CLK3: variants seen among roughly 807,000 people sequenced by gnomAD.
CLK3 encodes CDC like kinase 3, also known as dual specificity protein kinase CLK3.
A neutral mutation model predicts 65.2 loss-of-function variants in CLK3; 24 were observed. That is an observed-to-expected ratio of 0.37 (90% CI 0.27 to 0.52). The LOEUF (loss-of-function observed/expected upper bound fraction) is 0.52, where lower values mean the gene tolerates loss of function less well. Among genes scored for constraint, CLK3 ranks in the 20% least tolerant of loss-of-function variants. The pLI is 0.92. For synonymous variants in CLK3, 252 were observed against 240.8 expected, an observed-to-expected ratio of 1.05 and a Z score of -0.43; for missense variants, 506 against 660.0, an observed-to-expected ratio of 0.77 and a Z score of 2.56.
rs765484885 is a variant in CLK3, at chr15:74,627,565, C to T, written c.939C>T (p.Asn313=). ...GCTGTGAGGAGAAGTCAGTGAAGAA[C>T]ACCAGCATCCGAGTGGCTGACTTTG... The part of the protein sequence containing the change: ...HKSCEEKSVK[N]TSIRVADFGS... Residue 313 remains asparagine (N), a synonymous_variant, in exon 9 of 13, where the codon AAC becomes AAT. Coordinates refer to ENST00000395066, the MANE Select transcript of CLK3 (RefSeq NM_001130028.2). This position sits in a 1 kb window ranked among gnomAD's most constrained non-coding sequence, Gnocchi z 4.3. The T allele has an allele frequency of 5.7e-5, 92 of 1,614,110 alleles. No individual in the cohort carries two copies. Among genetic ancestry groups the T allele is most frequent in the Non-Finnish European group, 6.6e-5 (78 of 1,180,050 alleles).
upstream of CLK3, chr15:74,613,526 G>A (rs1369643648): frequency 6.6e-6 from 1 of 152,386 alleles, no homozygotes; most frequent in African/African-American, 2.4e-5. Context: ...AAAGTGTGGA[G>A]AGGGAGACAG....
At chr15:74,615,189 CCG>C, upstream of CLK3, 1 of 383,822 alleles carries the variant, frequency 2.6e-6, no homozygotes, top group Non-Finnish European at 4.6e-6. Context: ...CGGCAGGAAG[CCG>C]CTCCACAGGA....
chr15:74,625,444 A>G (rs1225923784), intron 6 of CLK3, among the ~76,000 whole-genome samples: 1 of 152,156 alleles, frequency 6.6e-6, no homozygotes, highest in Admixed American at 6.5e-5. Context: ...GCAAGTGGAG[A>G]AAAGCAGCAC....
At chr15:74,614,394 A>G (rs943970992), upstream of CLK3, among the ~76,000 whole-genome samples, 2 of 152,114 alleles carry the variant, frequency 1.3e-5, no homozygotes, top group African/African-American at 4.8e-5. Context: ...GCTCACTGCA[A>G]TCTCAACCTC....
rs754544122 is a variant in CLK3, at chr15:74,627,575, C to T, written c.949C>T (p.Arg317Ter). The T allele has an allele frequency of 1.9e-6, 3 of 1,614,180 alleles. No homozygotes were observed. Among genetic ancestry groups the T allele is most frequent in the South Asian group, 1.1e-5 (1 of 91,084 alleles). ...EEKSVKNTSI[R>*]VADFGSATFD... ...GAAGTCAGTGAAGAACACCAGCATC[C>T]GAGTGGCTGACTTTGGCAGTGCCAC... Residue 317 changes from arginine (R) to a stop codon, truncating the protein, a stop_gained, in exon 9 of 13, where the codon CGA becomes TGA. Transcript: ENST00000395066. LOFTEE classifies it high-confidence loss of function. This position sits in a 1 kb window ranked among gnomAD's most constrained non-coding sequence, Gnocchi z 4.3.
At position 74,622,056 on chromosome 15, in the gene CLK3, C is replaced by A; in HGVS notation, c.370-64C>A. ...CTCTGCCTTTGACTGACACCTCAAT[C>A]TGTCAATCGGAACCGCCTACCATGC... On this transcript the variant is annotated intron_variant, in intron 3 of 12. Transcript: ENST00000395066. This position sits in a 1 kb window ranked among gnomAD's most constrained non-coding sequence, Gnocchi z 4.6. The A allele has an allele frequency of 6.8e-7, 1 of 1,477,610 alleles. No homozygotes were observed. Among genetic ancestry groups the A allele is most frequent in the Non-Finnish European group, 9.5e-7 (1 of 1,057,224 alleles). The allele number at this position is 1,477,610 out of a possible 1,614,324, so 91.5% of individuals were successfully genotyped here. A position where few individuals can be genotyped will look rare whatever the true frequency, so the allele number is the denominator to read the frequency against.
chr15:74,629,139 T>A (rs1322477137), intron 12 of CLK3, 107 bp downstream of exon 12: 1 of 871,990 alleles, frequency 1.1e-6, no homozygotes, highest in Non-Finnish European at 1.9e-6. Flanking sequence ...GCCTCCTTGA[T>A]CCAGCTCTAT....
chr15:74,612,627 A>G (rs1596281278), upstream of CLK3, among the ~76,000 whole-genome samples: 1 of 150,288 alleles, frequency 6.7e-6, no homozygotes, highest in African/African-American at 2.5e-5. Context: ...GGCCTTCTCC[A>G]CTCAGGATGG....
chr15:74,624,541 AGGGT>A lies in CLK3; in HGVS notation c.534-360_534-357del. On this transcript the variant is annotated intron_variant, in intron 5 of 12. Coordinates refer to ENST00000395066, the MANE Select transcript of CLK3 (RefSeq NM_001130028.2). The surrounding 1 kb of genome is among the most constrained non-coding windows in gnomAD (Gnocchi z 4.2). Reference sequence around the variant, plus strand: ...GGGTTCTCGGTGGGACAGCCTGGCCAGGGTTGGGGCTGCCTGGCCTATAGGTTAG... The same window carrying A: ...GGGTTCTCGGTGGGACAGCCTGGCCATGGGGCTGCCTGGCCTATAGGTTAG... 5.2e-6 allele frequency: 1 copy of A among 190,816 alleles called. No individual in the cohort carries two copies. Among genetic ancestry groups the A allele is most frequent in the Non-Finnish European group, 1.0e-5 (1 of 95,802 alleles). 11.8% of individuals were successfully genotyped at this position (190,816 alleles called of 1,614,324 possible). A position where few individuals can be genotyped will look rare whatever the true frequency, so the allele number is the denominator to read the frequency against.
intron 3 of CLK3, 185 bp downstream of exon 3, chr15:74,620,410 T>G: frequency 1.2e-6 from 1 of 810,684 alleles, no homozygotes; most frequent in Non-Finnish European, 1.9e-6. Flanking sequence ...CTGGCCTCTG[T>G]GTCTTCTGGC....
intron 2 of CLK3, 104 bp downstream of exon 2, chr15:74,619,452 C>T: frequency 7.6e-7 from 1 of 1,311,256 alleles, no homozygotes; most frequent in Admixed American, 2.0e-5. Flanking sequence ...CCAGCTGTCC[C>T]TGGATCCCTG....
At chr15:74,619,127 C>A in intron 1 of CLK3, 70 bp from the exon 2 acceptor site, 2 of 1,581,876 alleles carry the variant, frequency 1.3e-6, no homozygotes, top group Admixed American at 3.5e-5. Flanking sequence ...AACCGGGAAG[C>A]CCCAGCAGCC....
At chr15:74,628,310 G>C (rs2062160100) in intron 10 of CLK3, among the ~76,000 whole-genome samples, 1 of 143,956 alleles carries the variant, frequency 6.9e-6, no homozygotes, top group South Asian at 2.4e-4. Context: ...TGACCTTCTA[G>C]ATAAGGGGCA....
At chr15:74,613,011 G>T (rs986222452), upstream of CLK3, among the ~76,000 whole-genome samples, 1 of 152,230 alleles carries the variant, frequency 6.6e-6, no homozygotes, top group African/African-American at 2.4e-5. Flanking sequence ...GGCCAGGGCA[G>T]CCCCAGGAAG....
In CLK3 at chr15:74,622,902, A is replaced by T. The variant is rs1251790321; in HGVS notation, c.533+342A>T. Among the ~76,000 whole-genome samples the T allele has an allele frequency of 2.0e-5, 3 of 152,170 alleles. No homozygotes were observed. Among genetic ancestry groups the T allele is most frequent in the Non-Finnish European group, 4.4e-5 (3 of 68,036 alleles). On this transcript the variant is annotated intron_variant, in intron 5 of 12. Coordinates refer to ENST00000395066, the MANE Select transcript of CLK3 (RefSeq NM_001130028.2). The surrounding 1 kb of genome is among the most constrained non-coding windows in gnomAD (Gnocchi z 4.6). ...TGGCTTGGAGCTGCTTCCTGTGATA[A>T]CTTTTAGGTTCTTGGCTTAGCAAGG...
intron 7 of CLK3, chr15:74,626,960 CA>C (rs775594673): frequency 3.7e-5 from 17 of 458,548 alleles, no homozygotes; most frequent in South Asian, 2.5e-4. Flanking sequence ...GTAACTTGAA[CA>C]GGGGACCTGC....
chr15:74,628,562 A>G, intron 10 of CLK3, 42 bp from the exon 11 acceptor site: 1 of 1,433,318 alleles, frequency 7.0e-7, no homozygotes, highest in Non-Finnish European at 9.7e-7. Context: ...AAGGGGCCAG[A>G]GCTAGTACTG....
chr15:74,609,676 T>C (rs533524648), intron 1 of CLK3, among the ~76,000 whole-genome samples: 169 of 152,366 alleles, frequency 1.1e-3, no homozygotes, highest in Admixed American at 5.1e-3. Context: ...GCTGCTGGCA[T>C]GGAGACTCTG....
Position 74,622,232 on chromosome 15 carries a change from G to A in CLK3, c.466+16G>A. ...CAAGAGCGATGTACAGCCACCTTTC[G>A]TAAAACTTTACCTCTCTACTTTCTA... On this transcript the variant is annotated intron_variant, in intron 4 of 12. Transcript: ENST00000395066. This position sits in a 1 kb window ranked among gnomAD's most constrained non-coding sequence, Gnocchi z 4.6. The A allele has an allele frequency of 2.5e-6, 4 of 1,607,228 alleles. No individual in the cohort carries two copies. The highest frequency in any genetic ancestry group is 2.6e-6 in the Non-Finnish European group (3 of 1,174,086).
Sources: allele counts gnomAD v4.1 joint callset (sites outside exome capture counted in the v4.1 genomes callset), GRCh38; gene constraint gnomAD v4.1.1; non-coding constraint Gnocchi (gnomAD v3.1); transcripts MANE v1.5; gene names NCBI Gene and HGNC (gene_info 2026-07-23, HGNC 2026-07-21).